CHIC1: variants seen among roughly 807,000 people sequenced by gnomAD.
CHIC1 encodes cysteine-rich hydrophobic domain-containing protein 1.
In CHIC1, 7 loss-of-function variants were observed where a neutral mutation model predicts 18.5. The observed-to-expected ratio is 0.38, with a 90% confidence interval of 0.22 to 0.71. The LOEUF (loss-of-function observed/expected upper bound fraction) is 0.71, where lower values mean the gene tolerates loss of function less well. CHIC1 is among the 30% of genes least tolerant of loss of function. CHIC1 has a pLI of 0.49. For missense variants in CHIC1, 159 were observed against 176.9 expected (o/e 0.90, Z 0.57); for synonymous variants, 77 against 73.5 (o/e 1.05, Z -0.25).
chrX:73,569,181 T>G (rs2057458437), intron 1 of CHIC1, among the ~76,000 whole-genome samples: 1 of 111,624 alleles, frequency 9.0e-6, no homozygotes, highest in Admixed American at 9.5e-5. Flanking sequence ...GGTTTTCTAG[T>G]GAAGTCATGT....
intron 3 of CHIC1, among the ~76,000 whole-genome samples, chrX:73,607,876 T>A (rs2057690448): frequency 9.3e-6 from 1 of 108,005 alleles, no homozygotes; most frequent in Non-Finnish European, 1.9e-5. Flanking sequence ...AGTGCAGAGA[T>A]CACCTGCCTC....
intron 3 of CHIC1, among the ~76,000 whole-genome samples, chrX:73,656,360 C>T (rs1447800029): frequency 8.9e-6 from 1 of 111,739 alleles, no homozygotes; most frequent in African/African-American, 3.3e-5. Context: ...GCATCTTCAT[C>T]GTGAAATGTT....
At chrX:73,665,269 C>T (rs993333249) in intron 3 of CHIC1, among the ~76,000 whole-genome samples, 2 of 110,885 alleles carry the variant, frequency 1.8e-5, no homozygotes, top group Non-Finnish European at 3.8e-5. Context: ...CCTCTTCCCT[C>T]CCCCTTTTAG....
At chrX:73,665,772 C>T (rs968641848) in intron 3 of CHIC1, among the ~76,000 whole-genome samples, 2 of 111,633 alleles carry the variant, frequency 1.8e-5, no homozygotes, top group African/African-American at 6.5e-5. Context: ...TACGCAGACA[C>T]AGGTTTTTTG....
intron 3 of CHIC1, among the ~76,000 whole-genome samples, chrX:73,660,500 T>C (rs1251909256): frequency 8.9e-6 from 1 of 112,018 alleles, no homozygotes; most frequent in Non-Finnish European, 1.9e-5. Context: ...ATTAATACCC[T>C]ACGCGAGTTG....
At chrX:73,632,181 A>G (rs1432378782) in intron 3 of CHIC1, among the ~76,000 whole-genome samples, 1 of 112,198 alleles carries the variant, frequency 8.9e-6, no homozygotes, top group Non-Finnish European at 1.9e-5. Flanking sequence ...CATTTATAGT[A>G]TCTTCTTGAT....
chrX:73,647,213 C>T (rs181714792), intron 3 of CHIC1, among the ~76,000 whole-genome samples: 78 of 112,053 alleles, frequency 7.0e-4, no homozygotes, highest in Middle Eastern at 4.6e-3. Flanking sequence ...ATCCATGCCA[C>T]CAGGGACTAG....
chrX:73,663,596 G>A (rs1395575693), intron 3 of CHIC1, among the ~76,000 whole-genome samples: 2 of 110,799 alleles, frequency 1.8e-5, no homozygotes, highest in African/African-American at 3.3e-5. Context: ...GTGACCCAAG[G>A]CCAAGTTTCT....
At chrX:73,617,504 G>A (rs946480216) in intron 3 of CHIC1, among the ~76,000 whole-genome samples, 1 of 111,526 alleles carries the variant, frequency 9.0e-6, no homozygotes, top group African/African-American at 3.3e-5. Context: ...TTCCCATGTT[G>A]CGAATAAAGA....
intron 1 of CHIC1, among the ~76,000 whole-genome samples, chrX:73,571,891 C>T (rs1360337035): frequency 3.6e-5 from 4 of 110,501 alleles, no homozygotes; most frequent in Non-Finnish European, 7.6e-5. Context: ...TGCCTGTGTC[C>T]TTGAAAATGA....
chrX:73,587,865 G>A lies in CHIC1; in HGVS notation c.507+3293G>A, dbSNP rs192340213. ...GGTCATAGACTGCCTTTTCCTTACT[G>A]TCTTTGAACCTTTTAATTTATGTGT... On this transcript the variant is annotated intron_variant, in intron 3 of 5. Transcript: ENST00000373502. Among the ~76,000 whole-genome samples, 197 of 111,467 alleles carry A rather than the reference G, an allele frequency of 1.8e-3. 1 individual carries two copies. Among genetic ancestry groups the A allele is most frequent in the African/African-American group, 5.5e-3 (168 of 30,809 alleles).
rs181720334 is a variant in CHIC1, at chrX:73,675,176, G to A, written c.508-4150G>A. Reference sequence around the variant, plus strand: ...CCGTGTGGTCAGTTTTGGAGTAGGTGTGGTGTGGTGCTGAAAAGAATGTAT... The same window carrying A: ...CCGTGTGGTCAGTTTTGGAGTAGGTATGGTGTGGTGCTGAAAAGAATGTAT... On this transcript the variant is annotated intron_variant, in intron 3 of 5. Transcript: ENST00000373502. Among the ~76,000 whole-genome samples, 6 of 111,799 alleles carry A rather than the reference G, an allele frequency of 5.4e-5. No individual in the cohort carries two copies. The Admixed American group carries it at 5.7e-4, about 11-fold the overall frequency.
rs2057942606 is a variant in CHIC1, at chrX:73,655,524, GTGTATATATA to G, written c.508-23800_508-23791del. Reference sequence around the variant, plus strand: ...TATATATACATATATACACAATATTGTGTATATATATATACATATATATACAATATTGTGT... The same window carrying G: ...TATATATACATATATACACAATATTGTATACATATATATACAATATTGTGT... On this transcript the variant is annotated intron_variant, in intron 3 of 5. Transcript: ENST00000373502. Among the ~76,000 whole-genome samples the G allele has an allele frequency of 1.7e-4, 13 of 74,664 alleles. 1 individual carries two copies. Among genetic ancestry groups the G allele is most frequent in the South Asian group, 1.3e-3 (2 of 1,503 alleles). 64.8% of individuals were successfully genotyped at this position (74,664 alleles called of 115,157 possible).
At chrX:73,670,764 T>A (rs1163456560) in intron 3 of CHIC1, among the ~76,000 whole-genome samples, 1 of 111,717 alleles carries the variant, frequency 9.0e-6, no homozygotes, top group Non-Finnish European at 1.9e-5. Context: ...AATTTCTTTA[T>A]TGACCTAGTG....
intron 1 of CHIC1, among the ~76,000 whole-genome samples, chrX:73,565,828 A>G (rs1313135741): frequency 1.8e-5 from 2 of 110,702 alleles, no homozygotes; most frequent in Non-Finnish European, 3.8e-5. Context: ...TAAACTATAT[A>G]CCCTATCTGA....
chrX:73,619,579 TA>T (rs1444620545), intron 3 of CHIC1, among the ~76,000 whole-genome samples: 2 of 111,234 alleles, frequency 1.8e-5, no homozygotes, highest in African/African-American at 6.5e-5. Flanking sequence ...GATTTGAGGT[TA>T]CCATAAGGCT....
intron 3 of CHIC1, among the ~76,000 whole-genome samples, chrX:73,666,220 T>C (rs779836246): frequency 8.9e-6 from 1 of 112,220 alleles, no homozygotes; most frequent in South Asian, 3.7e-4. Flanking sequence ...AATTTCTTTA[T>C]GTACCCAAGA....
At position 73,684,945 on chromosome X, in the gene CHIC1, A is replaced by G. The variant is rs2058115154; in HGVS notation, c.*3940A>G. On this transcript the variant is annotated 3_prime_UTR_variant, in exon 6 of 6. Coordinates refer to ENST00000373502, the MANE Select transcript of CHIC1 (RefSeq NM_001039840.4). ...GTTCCATTTTCTGTGAACTTTGTCA[A>G]ATTCATACTATATGAGGAAATGATC... 1 of 110,926 alleles carries G rather than the reference A, an allele frequency of 9.0e-6. No individual in the cohort carries two copies. The highest frequency in any genetic ancestry group is 1.9e-5 in the Non-Finnish European group (1 of 52,816). 9.1% of individuals were successfully genotyped at this position (110,926 alleles called of 1,213,427 possible). A position where few individuals can be genotyped will look rare whatever the true frequency, so the allele number is the denominator to read the frequency against.
chrX:73,581,752 G>A (rs960458312), intron 2 of CHIC1, among the ~76,000 whole-genome samples: 5 of 110,371 alleles, frequency 4.5e-5, no homozygotes, highest in South Asian at 3.7e-4. Context: ...TTTTTAATTC[G>A]TCTATGGTAA....
Sources: gnomAD v4.1 joint callset for allele counts (sites outside exome capture counted in the v4.1 genomes callset) on GRCh38, gnomAD v4.1.1 for gene constraint, MANE v1.5 for transcripts, NCBI Gene and HGNC (gene_info 2026-07-23, HGNC 2026-07-21) for gene names.